The following SEL1L3 variants were observed in gnomAD, a reference collection of about 807,000 sequenced individuals.
SEL1L3 encodes SEL1L family member 3, also known as protein sel-1 homolog 3.
In SEL1L3, 76 loss-of-function variants were observed where a neutral mutation model predicts 142.8. The observed-to-expected ratio is 0.53, with a 90% CI of 0.44 to 0.64. SEL1L3 has a LOEUF of 0.64. SEL1L3 is among the 30% of genes least tolerant of loss of function. The probability of loss-of-function intolerance (pLI) is 0.00; values close to 1 mark genes in which losing one functional copy is unlikely to be tolerated. For missense variants in SEL1L3, 1,262 were observed against 1,381.7 expected, an observed-to-expected ratio of 0.91 and a Z score of 1.37; for synonymous variants, 504 against 519.6, an observed-to-expected ratio of 0.97 and a Z score of 0.41.
chr4:25,807,561 A>G (rs1713674797), intron 9 of SEL1L3, among the ~76,000 whole-genome samples: 1 of 151,998 alleles, frequency 6.6e-6, no homozygotes, highest in South Asian at 2.1e-4. Flanking sequence ...TTCCCAGCAA[A>G]GCAACATTAA....
intron 9 of SEL1L3, among the ~76,000 whole-genome samples, chr4:25,808,235 A>G (rs1260080151): frequency 1.3e-5 from 2 of 152,260 alleles, no homozygotes; most frequent in African/African-American, 4.8e-5. Context: ...GAAGAAACAA[A>G]CAAACAAAAT....
the SEL1L3 span, among the ~76,000 whole-genome samples, chr4:25,715,807 A>G: frequency 3.0e-5 from 2 of 67,614 alleles, no homozygotes; most frequent in Admixed American, 1.4e-4. Flanking sequence ...TAAAGGAAGA[A>G]AAAAAAACCC....
chr4:25,784,192 T>C lies in SEL1L3; in HGVS notation c.2280+36A>G, dbSNP rs538740027. 9.5e-5 allele frequency: 145 copies of C among 1,522,148 alleles called. No homozygotes were observed. In the East Asian group the frequency reaches 1.1e-3, roughly 12 times the overall value. The allele number at this position is 1,522,148 out of a possible 1,614,324, so 94.3% of individuals were successfully genotyped here. A position where few individuals can be genotyped will look rare whatever the true frequency, so the allele number is the denominator to read the frequency against. ...TGCGAGAGCGTGTGGGAGTGTGTGG[T>C]GGAACTGTTTCCCTCTGACAATATG... On this transcript the variant is annotated intron_variant, in intron 14 of 23. Coordinates refer to ENST00000399878, the MANE Select transcript of SEL1L3 (RefSeq NM_015187.5).
chr4:25,735,396 A>T, the SEL1L3 span, among the ~76,000 whole-genome samples: 1 of 151,960 alleles, frequency 6.6e-6, no homozygotes, highest in African/African-American at 2.4e-5. Flanking sequence ...GCTCCTTTTT[A>T]TTCTTGATAT....
At position 25,747,922 on chromosome 4, in the gene SEL1L3, A is replaced by AT. The variant is rs763475932; in HGVS notation, c.*502dup. ...CAAACAATTTATTTCAAGGTGCCTT[A>AT]TAACTGCTAGGTCTTGGAAGTCAAA... On this transcript the variant is annotated 3_prime_UTR_variant, in exon 24 of 24. Transcript: ENST00000399878. 3 of 153,038 alleles carry AT rather than the reference A, an allele frequency of 2.0e-5. No individual in the cohort carries two copies. Among genetic ancestry groups the AT allele is most frequent in the African/African-American group, 4.8e-5 (2 of 41,446 alleles). 9.5% of individuals were successfully genotyped at this position (153,038 alleles called of 1,614,324 possible). A position where few individuals can be genotyped will look rare whatever the true frequency, so the allele number is the denominator to read the frequency against.
At chr4:25,770,123 G>A (rs1383344003) in intron 17 of SEL1L3, 1 of 152,058 alleles carries the variant, frequency 6.6e-6, no homozygotes, top group East Asian at 1.9e-4. Flanking sequence ...GCCAGATTCT[G>A]TCTCTAAAAA....
rs1435156046 is a variant in SEL1L3, at chr4:25,748,552, G to C, written c.3272C>G (p.Pro1091Arg). 1 of 1,610,544 alleles carries C rather than the reference G, an allele frequency of 6.2e-7. No individual in the cohort carries two copies. The highest frequency in any genetic ancestry group is 8.5e-7 in the Non-Finnish European group (1 of 1,178,606). ...TGGGGAGGCCTGGGATGGTCTTGGA[G>C]GGGGATCGCTTGCTGCAGAGACACA... ...YFQSVSASDP[P>R]PRPSQASPDT... The change falls in exon 24 of 24, where the codon CCT (proline) becomes CGT (arginine). Residue 1091 changes from proline to arginine, a missense_variant. Transcript: ENST00000399878.
rs757613822 is a variant in SEL1L3 at position 25,802,469 on chromosome 4, G to T, written c.1777-7C>A. 21 of 1,607,280 alleles carry T rather than the reference G, an allele frequency of 1.3e-5. No individual in the cohort carries two copies. The highest frequency in any genetic ancestry group is 5.1e-6 in the Non-Finnish European group (6 of 1,176,012). ...CCAAACTATACAACATGCCCTGTTAGGAAGAAATTGACAAAGCGTTCATGA... is the reference window on the plus strand; with the variant it reads ...CCAAACTATACAACATGCCCTGTTATGAAGAAATTGACAAAGCGTTCATGA... On this transcript the variant is annotated splice_polypyrimidine_tract_variant and splice_region_variant and intron_variant, in intron 10 of 23. Transcript: ENST00000399878.
intron 2 of SEL1L3, among the ~76,000 whole-genome samples, chr4:25,836,004 T>C (rs1715793175): frequency 6.6e-6 from 1 of 152,218 alleles, no homozygotes; most frequent in Non-Finnish European, 1.5e-5. Context: ...GAGCTGGGAT[T>C]CAAACTCAGG....
rs1719828633 is a variant in SEL1L3, at chr4:25,779,072, T to C, written c.2585+4A>G. The C allele has an allele frequency of 6.2e-7, 1 of 1,613,362 alleles. No individual in the cohort carries two copies. Among genetic ancestry groups the C allele is most frequent in the Non-Finnish European group, 8.5e-7 (1 of 1,179,468 alleles). On this transcript the variant is annotated splice_donor_region_variant and intron_variant, in intron 16 of 23. Coordinates refer to ENST00000399878, the MANE Select transcript of SEL1L3 (RefSeq NM_015187.5). Reference sequence around the variant, plus strand: ...TTCAAATGCAACGTTTGACAGAGTCTTACACAACAGCTTTCTCAGGATCTC... The same window carrying C: ...TTCAAATGCAACGTTTGACAGAGTCCTACACAACAGCTTTCTCAGGATCTC...
Position 25,755,494 on chromosome 4 carries a change from T to C in SEL1L3, c.3259+2040A>G, listed in dbSNP as rs534854904. Among the ~76,000 whole-genome samples the C allele has an allele frequency of 3.3e-5, 5 of 152,262 alleles. No homozygotes were observed. In the East Asian group the frequency reaches 7.7e-4, roughly 23 times the overall value. On this transcript the variant is annotated intron_variant, in intron 23 of 23. Coordinates refer to ENST00000399878, the MANE Select transcript of SEL1L3 (RefSeq NM_015187.5). ...AAGTAAAGGGCATAGAATTAAATAA[T>C]TTTTATGATTGATCCTATCCAGACA...
chr4:25,804,898 G>A (rs1195950994), intron 9 of SEL1L3, 146 bp from the exon 10 acceptor site: 1 of 649,216 alleles, frequency 1.5e-6, no homozygotes, highest in South Asian at 1.9e-5. Context: ...CTTCCAGGGA[G>A]GTAAATGAAA....
At chr4:25,814,391 C>T (rs1714231369) in intron 9 of SEL1L3, among the ~76,000 whole-genome samples, 1 of 152,150 alleles carries the variant, frequency 6.6e-6, no homozygotes, top group South Asian at 2.1e-4. Flanking sequence ...AGTTAAATTC[C>T]TTATCTTTGT....
intron 8 of SEL1L3, among the ~76,000 whole-genome samples, chr4:25,819,458 A>G (rs993145073): frequency 6.6e-5 from 10 of 152,248 alleles, no homozygotes; most frequent in African/African-American, 2.4e-4. Flanking sequence ...CTAATGATTA[A>G]TTTATTTTCC....
chr4:25,763,489 T>C lies in SEL1L3; in HGVS notation c.2955+1837A>G, dbSNP rs534387752. ...AAAGAGCTATGGAGTGAGAGAGATG[T>C]GGGATTTTAACCCAGGTACATGACC... On this transcript the variant is annotated intron_variant, in intron 20 of 23. Coordinates refer to ENST00000399878, the MANE Select transcript of SEL1L3 (RefSeq NM_015187.5). Among the ~76,000 whole-genome samples, 10 of 152,206 alleles carry C rather than the reference T, an allele frequency of 6.6e-5. 1 individual carries two copies. In the South Asian group the frequency reaches 2.1e-3, roughly 32 times the overall value.
chr4:25,832,352 CCA>C (rs1473059544), intron 5 of SEL1L3, among the ~76,000 whole-genome samples: 2 of 152,084 alleles, frequency 1.3e-5, no homozygotes, highest in Non-Finnish European at 2.9e-5. Context: ...GGTGGCAAAC[CCA>C]CACTGTGTAT....
At chr4:25,733,948 G>A in the SEL1L3 span, among the ~76,000 whole-genome samples, 2 of 152,152 alleles carry the variant, frequency 1.3e-5, no homozygotes, top group African/African-American at 2.4e-5. Context: ...GTAGCTGTAG[G>A]TTTTGTTATA....
chr4:25,760,751 T>A (rs1170276085), intron 20 of SEL1L3, among the ~76,000 whole-genome samples: 1 of 152,222 alleles, frequency 6.6e-6, no homozygotes, highest in African/African-American at 2.4e-5. Flanking sequence ...TTCACAACCA[T>A]CGTATGTCGC....
intron 20 of SEL1L3, 119 bp from the exon 21 acceptor site, chr4:25,759,187 G>A (rs1341464600): frequency 1.9e-6 from 2 of 1,039,628 alleles, no homozygotes; most frequent in African/African-American, 1.6e-5. Context: ...TCTAGAGCCA[G>A]ATGGTTTTGT....
Sources: gnomAD v4.1 joint callset for allele counts (sites outside exome capture counted in the v4.1 genomes callset) on GRCh38, gnomAD v4.1.1 for gene constraint, MANE v1.5 for transcripts, NCBI Gene and HGNC (gene_info 2026-07-23, HGNC 2026-07-21) for gene names.